Variants in WDR19 observed in about 807,000 individuals in gnomAD.
The protein encoded by WDR19 is WD repeat domain 19, also known as WD repeat-containing protein 19.
Under a neutral mutation model 180.0 loss-of-function variants are expected in WDR19, and 121 were observed. The observed-to-expected ratio is 0.67, with a 90% CI of 0.58 to 0.78. The LOEUF (loss-of-function observed/expected upper bound fraction) is 0.78, where lower values mean the gene tolerates loss of function less well. WDR19 is among the 30% of genes least tolerant of loss of function. The probability of loss-of-function intolerance (pLI) is 0.00; values close to 1 mark genes in which losing one functional copy is unlikely to be tolerated. For missense variants in WDR19, 1,450 were observed against 1,640.7 expected (o/e 0.88, Z 2.01); for synonymous variants, 497 against 540.7 (o/e 0.92, Z 1.12).
chr4:39,249,639 G>A (rs528368235), intron 24 of WDR19, among the ~76,000 whole-genome samples: 44 of 152,032 alleles, frequency 2.9e-4, no homozygotes, highest in African/African-American at 2.9e-4. Context: ...TCAAATAGAC[G>A]CAATAAAAAA....
chr4:39,232,313 C>A (rs1236968897), intron 19 of WDR19, 41 bp downstream of exon 19: 3 of 1,513,694 alleles, frequency 2.0e-6, no homozygotes, highest in African/African-American at 2.8e-5. Context: ...TAAGAGGTAT[C>A]CAGTGGGGAA....
At chr4:39,185,181 AAAAG>A (rs1410790937) in intron 1 of WDR19, among the ~76,000 whole-genome samples, 8 of 152,214 alleles carry the variant, frequency 5.3e-5, no homozygotes, top group Admixed American at 1.3e-4. Flanking sequence ...TGTTTCAAGG[AAAAG>A]AAAGAGTTTT....
chr4:39,200,812 C>T (rs6822527), intron 6 of WDR19, among the ~76,000 whole-genome samples: 1 of 152,210 alleles, frequency 6.6e-6, no homozygotes, highest in African/African-American at 2.4e-5. Flanking sequence ...GGCCATCTTA[C>T]AGGCTGCTGA....
chr4:39,198,984 T>G (rs1727082863), intron 5 of WDR19, among the ~76,000 whole-genome samples: 1 of 143,786 alleles, frequency 7.0e-6, no homozygotes, highest in Non-Finnish European at 1.5e-5. Context: ...GGCAAGAGAG[T>G]GAGACTCTGT....
Position 39,278,618 on chromosome 4 carries a change from A to T in WDR19, c.3997A>T (p.Thr1333Ser). 1 of 1,613,340 alleles carries T rather than the reference A, an allele frequency of 6.2e-7. No individual in the cohort carries two copies. Among genetic ancestry groups the T allele is most frequent in the African/African-American group, 1.3e-5 (1 of 75,034 alleles). Residue 1333 changes from threonine to serine, a missense_variant, in exon 36 of 37, where the codon ACC (threonine) becomes TCC (serine). Coordinates refer to ENST00000399820, the MANE Select transcript of WDR19 (RefSeq NM_025132.4). ...AAQLKKISDC[T>S]QYLRTEEEL ...TCAGCTGAAAAAGATTTCAGACTGT[A>T]CCCAGTACCTGCGAACGGAGGAGGA...
At position 39,215,980 on chromosome 4, in the gene WDR19, C is replaced by G. The variant is rs1729028372; in HGVS notation, c.1101C>G (p.Leu367=). 6.2e-7 allele frequency: 1 copy of G among 1,610,766 alleles called. No individual in the cohort carries two copies. Among genetic ancestry groups the G allele is most frequent in the African/African-American group, 1.3e-5 (1 of 74,842 alleles). The change falls in exon 11 of 37, where the codon CTC becomes CTG. Residue 367 remains leucine (L), a synonymous_variant. Transcript: ENST00000399820. ...CSTRIAYLTS[L]LEVTVANPVE... is the part of the protein sequence containing the mutation. ...CAAGGATTGCCTATCTCACCTCCCT[C>G]CTTGAAGTCACCGTAGCCAACCCTG...
chr4:39,205,081 T>C (rs937414802), intron 7 of WDR19, 73 bp from the exon 8 acceptor site: 1 of 1,068,286 alleles, frequency 9.4e-7, no homozygotes, highest in South Asian at 1.7e-5. Context: ...GGTTCAGCTG[T>C]TGGATTTGCT....
intron 27 of WDR19, 59 bp downstream of exon 27, chr4:39,256,019 C>A (rs1197701929): frequency 8.3e-7 from 1 of 1,211,872 alleles, no homozygotes; most frequent in Non-Finnish European, 1.2e-6. Context: ...AGGAAATATA[C>A]GTAAATGCCA....
intron 30 of WDR19, among the ~76,000 whole-genome samples, chr4:39,268,430 T>C (rs1459439029): frequency 6.6e-6 from 1 of 152,124 alleles, no homozygotes; most frequent in Non-Finnish European, 1.5e-5. Flanking sequence ...TTCCATTCCC[T>C]GTGTTTGGCC....
At chr4:39,184,075 T>C (rs929256108) in intron 1 of WDR19, among the ~76,000 whole-genome samples, 3 of 152,208 alleles carry the variant, frequency 2.0e-5, no homozygotes, top group Non-Finnish European at 4.4e-5. Context: ...AGCCCACCTC[T>C]ACTTTCAATA....
intron 14 of WDR19, among the ~76,000 whole-genome samples, chr4:39,222,987 CT>C (rs970194823): frequency 1.2e-4 from 18 of 151,898 alleles, no homozygotes; most frequent in Admixed American, 7.9e-4. Context: ...TTGAGATTGG[CT>C]TTTTTTTCAC....
chr4:39,273,390 C>T (rs746266508), intron 32 of WDR19: 7 of 297,370 alleles, frequency 2.4e-5, no homozygotes, highest in Non-Finnish European at 3.7e-5. Context: ...GCACACAGGA[C>T]GCAAGTTCCG....
intron 5 of WDR19, 36 bp downstream of exon 5, chr4:39,194,695 G>C: frequency 1.4e-6 from 2 of 1,464,904 alleles, no homozygotes; most frequent in Non-Finnish European, 1.9e-6. Flanking sequence ...AAATATTTGA[G>C]ATGCTCTACC....
chr4:39,206,020 G>C lies in WDR19; in HGVS notation c.890+284G>C, dbSNP rs1419877934. 3 of 232,764 alleles carry C rather than the reference G, an allele frequency of 1.3e-5. No homozygotes were observed. In the South Asian group the frequency reaches 3.2e-4, roughly 25 times the overall value. The allele number at this position is 232,764 out of a possible 1,614,324, so 14.4% of individuals were successfully genotyped here. A position where few individuals can be genotyped will look rare whatever the true frequency, so the allele number is the denominator to read the frequency against. ...CTATAAAACGTGAACAGAATGCATGGAGCAGATATTTAAGGACTCTGAAAA... is the reference window on the plus strand; with the variant it reads ...CTATAAAACGTGAACAGAATGCATGCAGCAGATATTTAAGGACTCTGAAAA... On this transcript the variant is annotated intron_variant, in intron 9 of 36. Coordinates refer to ENST00000399820, the MANE Select transcript of WDR19 (RefSeq NM_025132.4).
chr4:39,196,578 T>C (rs765279368), intron 5 of WDR19, among the ~76,000 whole-genome samples: 12 of 152,196 alleles, frequency 7.9e-5, no homozygotes, highest in Admixed American at 6.5e-5. Context: ...GCTGCCACCA[T>C]GGTGTGGTCT....
At chr4:39,223,891 T>C (rs1313201849) in intron 14 of WDR19, among the ~76,000 whole-genome samples, 1 of 152,228 alleles carries the variant, frequency 6.6e-6, no homozygotes, top group African/African-American at 2.4e-5. Flanking sequence ...CAAAAAAATC[T>C]TGTTGAAATT....
At chr4:39,281,236 T>TATATATATATATATAGAGAGAGAG (rs762298152) in intron 36 of WDR19, among the ~76,000 whole-genome samples, 2 of 104,040 alleles carry the variant, frequency 1.9e-5, no homozygotes, top group African/African-American at 1.0e-4. Flanking sequence ...TATATATATA[T>TATATATATATATATAGAGAGAGAG]AGAGAGAGAG....
chr4:39,277,500 T>G (rs1414222709), intron 34 of WDR19, among the ~76,000 whole-genome samples: 1 of 152,234 alleles, frequency 6.6e-6, no homozygotes, highest in African/African-American at 2.4e-5. Flanking sequence ...GTAGTTTTTA[T>G]TATAATATTG....
At chr4:39,227,449 A>G (rs1040809230) in intron 15 of WDR19, among the ~76,000 whole-genome samples, 2 of 152,204 alleles carry the variant, frequency 1.3e-5, no homozygotes, top group South Asian at 4.1e-4. Context: ...GTAGATCAAA[A>G]ATATTCAGGG....
Sources: allele counts gnomAD v4.1 joint callset (sites outside exome capture counted in the v4.1 genomes callset), GRCh38; gene constraint gnomAD v4.1.1; transcripts MANE v1.5; gene names NCBI Gene and HGNC (gene_info 2026-07-23, HGNC 2026-07-21).